The following DCST2 variants were observed in gnomAD, a reference collection of about 807,000 sequenced individuals.
DCST2 encodes DC-STAMP domain-containing protein 2.
A neutral mutation model predicts 81.8 loss-of-function variants in DCST2; 64 were observed. The observed-to-expected ratio is 0.78, with a 90% CI of 0.64 to 0.96. DCST2 has a LOEUF of 0.96. Among genes scored for constraint, DCST2 ranks in the 40% least tolerant of loss-of-function variants. The probability of loss-of-function intolerance (pLI) is 0.00; values close to 1 mark genes in which losing one functional copy is unlikely to be tolerated. For synonymous variants in DCST2, 354 were observed against 402.6 expected, an observed-to-expected ratio of 0.88 and a Z score of 1.44; for missense variants, 945 against 1,001.4, an observed-to-expected ratio of 0.94 and a Z score of 0.76.
At chr1:155,025,878 C>CT (rs1179380892) in intron 10 of DCST2, among the ~76,000 whole-genome samples, 12 of 146,930 alleles carry the variant, frequency 8.2e-5, no homozygotes, top group South Asian at 2.2e-4. Flanking sequence ...TTCTTTCTTT[C>CT]TTTTTTTTTT....
intron 10 of DCST2, among the ~76,000 whole-genome samples, chr1:155,025,340 GT>G (rs953510875): frequency 6.6e-6 from 1 of 151,682 alleles, no homozygotes; most frequent in Non-Finnish European, 1.5e-5. Context: ...GTTTTGTTTT[GT>G]TTTTTTGAGA....
rs765746329 is a variant in DCST2 at position 155,023,219 on chromosome 1, G to A, written c.2003C>T (p.Ala668Val). Residue 668 changes from alanine to valine, a missense_variant, in exon 14 of 15, where the codon GCT (alanine) becomes GTT (valine). Transcript: ENST00000368424. ...CTCAGGGTCCTTCCTTTGAGCTGCA[G>A]CCAGCCATAGCTGAGGGCCCTCCTC... Reference protein sequence around the residue: ...SDEEGPQLWLAAAQRKDPEQA... With the variant: ...SDEEGPQLWLVAAQRKDPEQA... 3 of 1,614,040 alleles carry A rather than the reference G, an allele frequency of 1.9e-6. No homozygotes were observed. Among genetic ancestry groups the A allele is most frequent in the Non-Finnish European group, 2.5e-6 (3 of 1,180,044 alleles).
chr1:155,025,340 G>GT (rs953510875), intron 10 of DCST2, among the ~76,000 whole-genome samples: 3 of 151,682 alleles, frequency 2.0e-5, no homozygotes, highest in African/African-American at 7.3e-5. Flanking sequence ...GTTTTGTTTT[G>GT]TTTTTTTGAG....
At chr1:155,031,882 A>C in intron 3 of DCST2, 111 bp from the exon 4 acceptor site, 1 of 1,171,954 alleles carries the variant, frequency 8.5e-7, no homozygotes, top group Non-Finnish European at 1.2e-6. Flanking sequence ...GTGGTCAGGG[A>C]CCTGGCTGTG....
chr1:155,031,527 C>CCCCCCCCCAA, intron 4 of DCST2, 47 bp downstream of exon 4: 1 of 1,247,442 alleles, frequency 8.0e-7, no homozygotes. Context: ...CCACCCCACC[C>CCCCCCCCCAA]CACCCCACAT....
At chr1:155,024,666 C>CT in intron 10 of DCST2, 64 bp from the exon 11 acceptor site, 1 of 1,493,006 alleles carries the variant, frequency 6.7e-7, no homozygotes, top group South Asian at 1.4e-5. Context: ...GGAATGCCCT[C>CT]TGCACCCACT....
In DCST2 at chr1:155,023,695, A is replaced by T. The variant is rs1470528085; in HGVS notation, c.1870+137T>A. 5.1e-6 allele frequency: 8 copies of T among 1,566,804 alleles called. No individual in the cohort carries two copies. In the African/African-American group the frequency reaches 9.4e-5, roughly 18 times the overall value. ...TACCTGAAGGCTCTGTGTAAATGAG[A>T]ACGTGCATAGTAATGAAGGGAGGGG... On this transcript the variant is annotated intron_variant, in intron 12 of 14. Coordinates refer to ENST00000368424, the MANE Select transcript of DCST2 (RefSeq NM_144622.3).
chr1:155,026,796 G>A (rs1659925290), intron 8 of DCST2, 81 bp from the exon 9 acceptor site: 1 of 1,552,262 alleles, frequency 6.4e-7, no homozygotes, highest in East Asian at 2.3e-5. Flanking sequence ...TGAGGAAAGT[G>A]GAGCAGCGCA....
At chr1:155,023,047 C>T (rs1659794876) in intron 14 of DCST2, 70 bp downstream of exon 14, 1 of 1,555,138 alleles carries the variant, frequency 6.4e-7, no homozygotes, top group African/African-American at 1.4e-5. Context: ...CCCAGGAAGG[C>T]CTTTGCAAAT....
At chr1:155,024,248 A>G in intron 11 of DCST2, among the ~76,000 whole-genome samples, 1 of 152,224 alleles carries the variant, frequency 6.6e-6, no homozygotes, top group Non-Finnish European at 1.5e-5. Flanking sequence ...ATGTATACAT[A>G]TGTAACTAAC....
Position 155,026,839 on chromosome 1 carries a change from G to T in DCST2, c.1343-124C>A, listed in dbSNP as rs999245720. 2.9e-5 allele frequency: 33 copies of T among 1,145,082 alleles called. No individual in the cohort carries two copies. In the Admixed American group the frequency reaches 4.7e-4, roughly 16 times the overall value. The allele number at this position is 1,145,082 out of a possible 1,614,324, so 70.9% of individuals were successfully genotyped here. A position where few individuals can be genotyped will look rare whatever the true frequency, so the allele number is the denominator to read the frequency against. ...GGATGACTCAGACCCTTGGCTGGGG[G>T]CCTCTGATGCCTCAGGCACCCTCAT... On this transcript the variant is annotated intron_variant, in intron 8 of 14. Coordinates refer to ENST00000368424, the MANE Select transcript of DCST2 (RefSeq NM_144622.3).
In DCST2 at chr1:155,023,113, T is replaced by G; in HGVS notation, c.2105+4A>C. On this transcript the variant is annotated splice_donor_region_variant and intron_variant, in intron 14 of 14. Coordinates refer to ENST00000368424, the MANE Select transcript of DCST2 (RefSeq NM_144622.3). ...CCAGGTGCCAACTCCTGCTTCCTGC[T>G]CACCTGGACTCGGAAGTGGACTCCA... 1 of 1,610,778 alleles carries G rather than the reference T, an allele frequency of 6.2e-7. No homozygotes were observed. The highest frequency in any genetic ancestry group is 8.5e-7 in the Non-Finnish European group (1 of 1,179,762).
rs1238805360 is a variant in DCST2 at position 155,031,745 on chromosome 1, A to T, written c.568T>A (p.Trp190Arg). The part of the protein sequence containing the change: ...IARALRNVWQ[W>R]LLHIGDVCNS... The stretch of plus-strand genomic sequence containing the variant: ...CACACATCGCCGATGTGCAGGAGCC[A>T]CTGCCACACATTCCGGAGAGCCCTG... Residue 190 changes from tryptophan (W) to arginine (R), a missense_variant, in exon 4 of 15, where the codon TGG becomes AGG. Trp to Arg is a moderately radical substitution (Grantham distance 101, BLOSUM62 -3). Coordinates refer to ENST00000368424, the MANE Select transcript of DCST2 (RefSeq NM_144622.3). 1 of 1,613,950 alleles carries T rather than the reference A, an allele frequency of 6.2e-7. No individual in the cohort carries two copies. Among genetic ancestry groups the T allele is most frequent in the Non-Finnish European group, 8.5e-7 (1 of 1,180,044 alleles).
intron 7 of DCST2, 33 bp downstream of exon 7, chr1:155,030,051 G>A (rs758888288): frequency 5.0e-6 from 8 of 1,610,152 alleles, no homozygotes; most frequent in Non-Finnish European, 6.8e-6. Flanking sequence ...TGGCCTCCCT[G>A]GCTTGGGCTC....
At chr1:155,031,814 C>T (rs1161115058) in intron 3 of DCST2, 43 bp from the exon 4 acceptor site, 3 of 1,593,856 alleles carry the variant, frequency 1.9e-6, no homozygotes, top group African/African-American at 2.7e-5. Context: ...TGGAATCCTA[C>T]AGCCTCTTCT....
intron 1 of DCST2, 48 bp downstream of exon 1, chr1:155,033,386 C>T: frequency 6.2e-7 from 1 of 1,601,208 alleles, no homozygotes; most frequent in Non-Finnish European, 8.5e-7. Flanking sequence ...TCTTCTGCCC[C>T]AGCACCAGCC....
chr1:155,023,679 G>A, intron 12 of DCST2, 153 bp downstream of exon 12: 1 of 1,558,790 alleles, frequency 6.4e-7, no homozygotes, highest in Non-Finnish European at 8.7e-7. Flanking sequence ...CTACCTGAAG[G>A]CTCTGTGTAA....
intron 8 of DCST2, among the ~76,000 whole-genome samples, chr1:155,028,378 G>A (rs917419632): frequency 1.3e-5 from 2 of 152,144 alleles, no homozygotes; most frequent in Admixed American, 6.5e-5. Flanking sequence ...ATCACCGGAG[G>A]TCAGGAGTTC....
intron 11 of DCST2, 42 bp downstream of exon 11, chr1:155,024,430 T>C (rs1343796847): frequency 6.6e-7 from 1 of 1,512,896 alleles, no homozygotes. Flanking sequence ...TCTTTTTCTA[T>C]CCCCTCTTGC....
Sources: allele counts gnomAD v4.1 joint callset (sites outside exome capture counted in the v4.1 genomes callset), GRCh38; gene constraint gnomAD v4.1.1; transcripts MANE v1.5; gene names NCBI Gene and HGNC (gene_info 2026-07-23, HGNC 2026-07-21).